Variants in FLCN observed in about 807,000 individuals in gnomAD.
The protein encoded by FLCN is BHD skin lesion fibrofolliculoma protein.
FLCN carries 22 observed loss-of-function variants against 62.5 expected under a neutral mutation model. The observed-to-expected ratio is 0.35, with a 90% CI of 0.25 to 0.50. FLCN has a LOEUF of 0.50. FLCN is among the 20% of genes least tolerant of loss of function. The probability of loss-of-function intolerance (pLI) is 0.97; values close to 1 mark genes in which losing one functional copy is unlikely to be tolerated. For synonymous variants in FLCN, 319 were observed against 310.0 expected (o/e 1.03, Z -0.30); for missense variants, 657 against 778.0 (o/e 0.84, Z 1.85).
chr17:17,234,952 A>G (rs926332601), intron 1 of FLCN, among the ~76,000 whole-genome samples: 4 of 152,160 alleles, frequency 2.6e-5, no homozygotes, highest in Non-Finnish European at 4.4e-5. Context: ...TCTACTAAAA[A>G]ATACAAAAAA....
intron 13 of FLCN, 62 bp downstream of exon 13, chr17:17,214,922 GA>G: frequency 6.4e-7 from 1 of 1,562,164 alleles, no homozygotes; most frequent in Non-Finnish European, 8.8e-7. Flanking sequence ...TCCTCTTTTG[GA>G]AACAGCTCCA....
rs1416054155 is a variant in FLCN, at chr17:17,224,087, C to T, written c.453G>A (p.Val151=). The T allele has an allele frequency of 6.2e-7, 1 of 1,612,736 alleles. No individual in the cohort carries two copies. Among genetic ancestry groups the T allele is most frequent in the South Asian group, 1.1e-5 (1 of 90,792 alleles). The change falls in exon 6 of 14, where the codon GTG becomes GTA. Residue 151 remains valine, a synonymous_variant. Transcript: ENST00000285071. ...IFFGDEQHGF[V]FSHTFFIKDS... ...CCTTGATGAAGAAGGTGTGGCTGAA[C>T]ACAAAGCCGTGCTGCTCATCTCCGA... is the stretch of plus-strand genomic sequence containing the variant.
intron 4 of FLCN, among the ~76,000 whole-genome samples, chr17:17,227,430 T>C (rs914954304): frequency 9.9e-5 from 15 of 152,114 alleles, no homozygotes; most frequent in Non-Finnish European, 1.0e-4. Flanking sequence ...GAAGTTAACA[T>C]AGGCTGGGTG....
Position 17,222,632 on chromosome 17 carries a change from TG to T in FLCN, c.647del (p.Pro216HisfsTer7), listed in dbSNP as rs772407910. The T allele has an allele frequency of 6.2e-7, 1 of 1,614,218 alleles. No individual in the cohort carries two copies. Among genetic ancestry groups the T allele is most frequent in the South Asian group, 1.1e-5 (1 of 91,090 alleles). Reference sequence around the variant, plus strand: ...CTGTGTTCATCCTCTGAGCACGCTGTGGGCATCCAAACTGCTCTGCCTCAAA... The same window carrying T: ...CTGTGTTCATCCTCTGAGCACGCTGTGGCATCCAAACTGCTCTGCCTCAAA... ...KVFEAEQFGC[P>X]QRAQRMNTAF... is the part of the protein sequence containing the mutation. On this transcript the variant is annotated frameshift_variant, in exon 7 of 14. Coordinates refer to ENST00000285071, the MANE Select transcript of FLCN (RefSeq NM_144997.7). LOFTEE classifies it high-confidence loss of function.
intron 8 of FLCN, 130 bp downstream of exon 8, chr17:17,221,407 C>G (rs563122544): frequency 6.2e-7 from 1 of 1,613,694 alleles, no homozygotes; most frequent in Admixed American, 1.7e-5. Context: ...GTGAGCTTCC[C>G]GAAGGCTCGT....
At chr17:17,230,407 G>C (rs1448419140) in intron 3 of FLCN, among the ~76,000 whole-genome samples, 1 of 151,840 alleles carries the variant, frequency 6.6e-6, no homozygotes, top group African/African-American at 2.4e-5. Flanking sequence ...GGTGTGCGCT[G>C]GTAGTCCCAG....
At chr17:17,233,700 C>A (rs2047491769) in intron 1 of FLCN, among the ~76,000 whole-genome samples, 1 of 145,382 alleles carries the variant, frequency 6.9e-6, no homozygotes. Context: ...GTCAAGGCTG[C>A]AAGTTCCCAT....
At chr17:17,228,421 G>C in intron 3 of FLCN, 1 of 466,074 alleles carries the variant, frequency 2.1e-6, no homozygotes, top group South Asian at 2.6e-5. Flanking sequence ...AGCTGTGACA[G>C]AGCCACAGCC....
chr17:17,218,965 C>A, intron 9 of FLCN, 54 bp downstream of exon 9: 2 of 1,597,104 alleles, frequency 1.3e-6, no homozygotes. Context: ...GCAGGGACAG[C>A]CCATGACTGG....
chr17:17,229,668 T>C (rs1567827668), intron 3 of FLCN, among the ~76,000 whole-genome samples: 2 of 152,260 alleles, frequency 1.3e-5, no homozygotes, highest in African/African-American at 2.4e-5. Flanking sequence ...TTAGGTCATG[T>C]ATTATTTCAC....
Position 17,213,684 on chromosome 17 carries a change from T to G in FLCN, c.1711A>C (p.Ser571Arg). Reference sequence around the variant, plus strand: ...TTCCGAGACTCCGAGGCTGTGGGGCTGCGGACCGTGGACATGAGGTGTGAC... The same window carrying G: ...TTCCGAGACTCCGAGGCTGTGGGGCGGCGGACCGTGGACATGAGGTGTGAC... ...YKSHLMSTVRSPTASESRN is the reference protein window; with the variant it reads ...YKSHLMSTVRRPTASESRN Residue 571 changes from serine to arginine, a missense_variant, in exon 14 of 14, where the codon AGC (serine) becomes CGC (arginine). Coordinates refer to ENST00000285071, the MANE Select transcript of FLCN (RefSeq NM_144997.7). 1 of 1,614,192 alleles carries G rather than the reference T, an allele frequency of 6.2e-7. No homozygotes were observed. Among genetic ancestry groups the G allele is most frequent in the Non-Finnish European group, 8.5e-7 (1 of 1,180,026 alleles).
At chr17:17,232,454 G>A (rs558297080) in intron 2 of FLCN, among the ~76,000 whole-genome samples, 4 of 152,254 alleles carry the variant, frequency 2.6e-5, no homozygotes, top group African/African-American at 4.8e-5. Context: ...ATCTAGGGGC[G>A]GCAGAGGTTC....
rs755278796 is a variant in FLCN, at chr17:17,223,973, C to T, written c.567G>A (p.Leu189=). The part of the protein sequence containing the change: ...RIYLINSWPF[L]LGKVRGIIDE... Reference sequence around the variant, plus strand: ...CGATGATTCCCCGGACCTTCCCCAGCAGGAAGGGCCAGGAGTTGATGAGGT... The same window carrying T: ...CGATGATTCCCCGGACCTTCCCCAGTAGGAAGGGCCAGGAGTTGATGAGGT... Residue 189 remains leucine (L), a synonymous_variant, in exon 6 of 14, where the codon CTG becomes CTA. Coordinates refer to ENST00000285071, the MANE Select transcript of FLCN (RefSeq NM_144997.7). 6.2e-7 allele frequency: 1 copy of T among 1,613,576 alleles called. No individual in the cohort carries two copies. The highest frequency in any genetic ancestry group is 2.2e-5 in the East Asian group (1 of 44,888).
chr17:17,229,714 G>C (rs1405761240), intron 3 of FLCN, among the ~76,000 whole-genome samples: 2 of 152,234 alleles, frequency 1.3e-5, no homozygotes, highest in Non-Finnish European at 2.9e-5. Context: ...GTAACCTGCA[G>C]AACAATGATG....
chr17:17,221,656 G>A (rs755719372), intron 7 of FLCN, 28 bp from the exon 8 acceptor site: 100 of 1,600,096 alleles, frequency 6.2e-5, no homozygotes, highest in Non-Finnish European at 7.5e-5. Flanking sequence ...AGCTATGAGC[G>A]TTCTCGCCAA....
intron 5 of FLCN, 76 bp from the exon 6 acceptor site, chr17:17,224,219 T>C: frequency 7.3e-7 from 1 of 1,362,650 alleles, no homozygotes; most frequent in South Asian, 1.3e-5. Flanking sequence ...CTTCAGACTT[T>C]TCAGAGTCAG....
chr17:17,219,605 T>C (rs540375109), intron 8 of FLCN: 1 of 226,738 alleles, frequency 4.4e-6, no homozygotes, highest in African/African-American at 2.5e-5. Context: ...AGTCTCACTC[T>C]GTCGCACAGG....
rs764688559 is a variant in FLCN at position 17,219,256 on chromosome 17, C to A, written c.872-47G>T. On this transcript the variant is annotated intron_variant, in intron 8 of 13. Coordinates refer to ENST00000285071, the MANE Select transcript of FLCN (RefSeq NM_144997.7). ...CAGTTACAGATACAAACAGTCTCAT[C>A]CTGTGACTTCAGCCCAAGATACTTC... The A allele has an allele frequency of 6.3e-6, 10 of 1,597,904 alleles. No individual in the cohort carries two copies. The Admixed American group carries it at 6.7e-5, about 11-fold the overall frequency.
intron 6 of FLCN, chr17:17,222,923 AGGGGGATTCTCGT>A: frequency 2.0e-6 from 1 of 500,438 alleles, no homozygotes; most frequent in Non-Finnish European, 3.7e-6. Flanking sequence ...CAAGGCACCC[AGGGGGATTCTCGT>A]GAGTGGCCAT....
Sources: gnomAD v4.1 joint callset for allele counts (sites outside exome capture counted in the v4.1 genomes callset) on GRCh38, gnomAD v4.1.1 for gene constraint, MANE v1.5 for transcripts, NCBI Gene and HGNC (gene_info 2026-07-23, HGNC 2026-07-21) for gene names.